Variants in ITPRID2 observed in about 807,000 individuals in gnomAD.
The protein encoded by ITPRID2 is ITPR interacting domain containing 2, also known as protein ITPRID2.
Under a neutral mutation model 124.3 loss-of-function variants are expected in ITPRID2, and 60 were observed. The observed-to-expected ratio is 0.48, with a 90% CI of 0.39 to 0.60. The LOEUF is 0.60. Ranked by LOEUF, ITPRID2 falls within the 20% of genes least tolerant of loss-of-function variation. The probability of loss-of-function intolerance (pLI) is 0.00; values close to 1 mark genes in which losing one functional copy is unlikely to be tolerated. For missense variants in ITPRID2, 1,553 were observed against 1,512.2 expected (o/e 1.03, Z -0.45); for synonymous variants, 521 against 542.9 (o/e 0.96, Z 0.56).
At chr2:181,922,921 CA>C (rs113631537) in intron 16 of ITPRID2, among the ~76,000 whole-genome samples, 6 of 141,948 alleles carry the variant, frequency 4.2e-5, no homozygotes, top group Admixed American at 1.4e-4. Flanking sequence ...GACTCCATCT[CA>C]AAAAAAAAAG....
rs1442738106 is a variant in ITPRID2, at chr2:181,896,238, G to A, written c.307+159G>A. Among the ~76,000 whole-genome samples, 1 of 151,946 alleles carries A rather than the reference G, an allele frequency of 6.6e-6. No individual in the cohort carries two copies. Among genetic ancestry groups the A allele is most frequent in the South Asian group, 2.1e-4 (1 of 4,830 alleles). ...AAATGGAGAAACTTTGTTATAAACCGTAAAACAGTAGGGAGTTTAAGCAAA... is the reference window on the plus strand; with the variant it reads ...AAATGGAGAAACTTTGTTATAAACCATAAAACAGTAGGGAGTTTAAGCAAA... On this transcript the variant is annotated intron_variant, in intron 3 of 17. Coordinates refer to ENST00000431877, the MANE Select transcript of ITPRID2 (RefSeq NM_001130445.3). The surrounding 1 kb of genome is among the most constrained non-coding windows in gnomAD (Gnocchi z 4.3).
chr2:181,913,455 C>A (rs1693783740), intron 9 of ITPRID2, among the ~76,000 whole-genome samples: 1 of 152,148 alleles, frequency 6.6e-6, no homozygotes, highest in Non-Finnish European at 1.5e-5. Flanking sequence ...TCCTAAATAT[C>A]TTTACATATT....
At position 181,926,213 on chromosome 2, in the gene ITPRID2, G is replaced by A. The variant is rs148952424; in HGVS notation, c.3676-1948G>A. ...TGGGAGGCAGAGGTTGCAGTGAGCC[G>A]AGATTGCGCCCCTACACTCCACTCT... is the stretch of plus-strand genomic sequence containing the variant. On this transcript the variant is annotated intron_variant, in intron 16 of 17. Coordinates refer to ENST00000431877, the MANE Select transcript of ITPRID2 (RefSeq NM_001130445.3). Among the ~76,000 whole-genome samples, 93 of 151,648 alleles carry A rather than the reference G, an allele frequency of 6.1e-4. 1 individual carries two copies. In the East Asian group the frequency reaches 0.015, roughly 24 times the overall value.
At chr2:181,894,974 A>G (rs1393753127) in intron 2 of ITPRID2, among the ~76,000 whole-genome samples, 1 of 152,106 alleles carries the variant, frequency 6.6e-6, no homozygotes, top group Non-Finnish European at 1.5e-5. Flanking sequence ...CATACATTAG[A>G]ATTTTATTAA....
In ITPRID2 at chr2:181,891,929, C is replaced by CCTCCTCCTT. The variant is rs1691724824; in HGVS notation, c.-130_-129insTCTCCTCCT. On this transcript the variant is annotated 5_prime_UTR_variant, in exon 1 of 18. Transcript: ENST00000431877. ...CCCTCCCTCCCTGTCCCCTCCTCCT[C>CCTCCTCCTT]CTCCTCCTCCTCCGGCGCCCGCTTC... 2.2e-6 allele frequency: 1 copy of CCTCCTCCTT among 451,236 alleles called. No homozygotes were observed. The highest frequency in any genetic ancestry group is 4.0e-6 in the Non-Finnish European group (1 of 252,178). The allele number at this position is 451,236 out of a possible 1,614,324, so 28.0% of individuals were successfully genotyped here.
Position 181,919,258 on chromosome 2 carries a change from G to T in ITPRID2, c.2994-38G>T, listed in dbSNP as rs1376413928. 6.2e-7 allele frequency: 1 copy of T among 1,609,634 alleles called. No homozygotes were observed. Among genetic ancestry groups the T allele is most frequent in the Admixed American group, 1.7e-5 (1 of 59,626 alleles). ...ATTTGTGATTAGGAATCTCCAAACT[G>T]CATTTTTCCAATTTTGTGCCCTTCA... On this transcript the variant is annotated intron_variant, in intron 13 of 17. Coordinates refer to ENST00000431877, the MANE Select transcript of ITPRID2 (RefSeq NM_001130445.3). This position sits in a 1 kb window ranked among gnomAD's most constrained non-coding sequence, Gnocchi z 4.2.
At chr2:181,927,216 A>G (rs1035067939) in intron 16 of ITPRID2, among the ~76,000 whole-genome samples, 2 of 152,254 alleles carry the variant, frequency 1.3e-5, no homozygotes, top group Non-Finnish European at 2.9e-5. Flanking sequence ...GGAACATTGT[A>G]GGAAATAAAT....
In ITPRID2 at chr2:181,915,732, G is replaced by A. The variant is rs1234547771; in HGVS notation, c.2092G>A (p.Ala698Thr). 1 of 1,614,072 alleles carries A rather than the reference G, an allele frequency of 6.2e-7. No individual in the cohort carries two copies. Among genetic ancestry groups the A allele is most frequent in the Non-Finnish European group, 8.5e-7 (1 of 1,180,036 alleles). The part of the protein sequence containing the change: ...MDRVNTALQR[A>T]QMKVCSLSNQ... ...CAGAGTTAATACAGCTTTGCAAAGA[G>A]CTCAAATGAAGGTTTGCAGTCTGTC... Residue 698 changes from alanine to threonine, a missense_variant, in exon 11 of 18, where the codon GCT becomes ACT. By Grantham distance (58) the Ala-to-Thr change is moderately conservative. Coordinates refer to ENST00000431877, the MANE Select transcript of ITPRID2 (RefSeq NM_001130445.3).
rs377612040 is a variant in ITPRID2 at position 181,913,831 on chromosome 2, T to A, written c.1487-14T>A. ...GATCATCTGTTTCTTATAGCCACAT[T>A]TTTTTATTCATAGATCATCTGTTAC... On this transcript the variant is annotated splice_polypyrimidine_tract_variant and intron_variant, in intron 9 of 17. Coordinates refer to ENST00000431877, the MANE Select transcript of ITPRID2 (RefSeq NM_001130445.3). The A allele has an allele frequency of 3.5e-5, 56 of 1,597,266 alleles. No individual in the cohort carries two copies. In the African/African-American group the frequency reaches 7.2e-4, roughly 20 times the overall value.
Position 181,920,670 on chromosome 2 carries a change from T to G in ITPRID2, c.3210+8T>G, listed in dbSNP as rs1307820845. 1 of 1,609,050 alleles carries G rather than the reference T, an allele frequency of 6.2e-7. No homozygotes were observed. The highest frequency in any genetic ancestry group is 8.5e-7 in the Non-Finnish European group (1 of 1,175,822). On this transcript the variant is annotated splice_region_variant and intron_variant, in intron 15 of 17. Transcript: ENST00000431877. ...TTGAATGTAATGGAACCAGTAAGCTTCTTTCCTCTTAAATCACTGGGGAAG... is the reference window on the plus strand; with the variant it reads ...TTGAATGTAATGGAACCAGTAAGCTGCTTTCCTCTTAAATCACTGGGGAAG...
At chr2:181,904,047 T>A (rs899837123) in intron 8 of ITPRID2, among the ~76,000 whole-genome samples, 4 of 152,210 alleles carry the variant, frequency 2.6e-5, no homozygotes, top group Non-Finnish European at 5.9e-5. Context: ...TTCAAGTAAG[T>A]CACTCTTCAA....
chr2:181,899,179 C>CA (rs1473581155), intron 6 of ITPRID2, 67 bp downstream of exon 6: 2 of 1,168,116 alleles, frequency 1.7e-6, no homozygotes, highest in Admixed American at 2.5e-5. Flanking sequence ...ATCATTTTTT[C>CA]AATCTTGGAT....
At chr2:181,895,858 G>C (rs1413631511) in intron 2 of ITPRID2, among the ~76,000 whole-genome samples, 172 bp from the exon 3 acceptor site, 1 of 152,020 alleles carries the variant, frequency 6.6e-6, no homozygotes, top group Non-Finnish European at 1.5e-5. Context: ...TATTTGCTTA[G>C]TTAGTGAATA....
chr2:181,892,828 T>C lies in ITPRID2; in HGVS notation c.257+168T>C. 1 of 705,338 alleles carries C rather than the reference T, an allele frequency of 1.4e-6. No individual in the cohort carries two copies. Among genetic ancestry groups the C allele is most frequent in the South Asian group, 1.7e-5 (1 of 57,836 alleles). The allele number at this position is 705,338 out of a possible 1,614,324, so 43.7% of individuals were successfully genotyped here. A position where few individuals can be genotyped will look rare whatever the true frequency, so the allele number is the denominator to read the frequency against. On this transcript the variant is annotated intron_variant, in intron 2 of 17. Transcript: ENST00000431877. This position sits in a 1 kb window ranked among gnomAD's most constrained non-coding sequence, Gnocchi z 5.2. ...TCCTCTAAGCGATTAGAAATGGAAG[T>C]GCTGTGACCGCTGATTATTTGGTGA...
At position 181,900,854 on chromosome 2, in the gene ITPRID2, G is replaced by A; in HGVS notation, c.662G>A (p.Ser221Asn). The A allele has an allele frequency of 6.2e-7, 1 of 1,612,644 alleles. No individual in the cohort carries two copies. The highest frequency in any genetic ancestry group is 1.7e-5 in the Admixed American group (1 of 59,862). ...AKGIDIKVFL[S>N]AQMQRMEVEN... ...GGGATAGATATTAAAGTATTTTTGA[G>A]TGCTCAGATGCAACGGATGGAAGTA... Residue 221 changes from serine (S) to asparagine (N), a missense_variant, in exon 7 of 18, where the codon AGT becomes AAT. By Grantham distance (46) the Ser-to-Asn change is conservative. Transcript: ENST00000431877.
rs1692786835 is a variant in ITPRID2, at chr2:181,902,851, T to G, written c.1413+385T>G. ...GCTTTGAGTTTTGTCTGCCACTGAATGACTGTATGCCTTTGGGCAAGCTTT... is the reference window on the plus strand; with the variant it reads ...GCTTTGAGTTTTGTCTGCCACTGAAGGACTGTATGCCTTTGGGCAAGCTTT... On this transcript the variant is annotated intron_variant, in intron 8 of 17. Coordinates refer to ENST00000431877, the MANE Select transcript of ITPRID2 (RefSeq NM_001130445.3). The surrounding 1 kb of genome is among the most constrained non-coding windows in gnomAD (Gnocchi z 4.4). Among the ~76,000 whole-genome samples, 2 of 152,204 alleles carry G rather than the reference T, an allele frequency of 1.3e-5. 1 individual carries two copies. The highest frequency in any genetic ancestry group is 4.1e-4 in the South Asian group (2 of 4,830).
chr2:181,892,390 G>A lies in ITPRID2; in HGVS notation c.211+113G>A. The stretch of plus-strand genomic sequence containing the variant: ...GAGCCTCGGGCACGGTAGGCCGAGG[G>A]GAGAGGGGACACTTCCGACCTTCAA... On this transcript the variant is annotated intron_variant, in intron 1 of 17. Transcript: ENST00000431877. This position sits in a 1 kb window ranked among gnomAD's most constrained non-coding sequence, Gnocchi z 5.2. 7.7e-7 allele frequency: 1 copy of A among 1,290,800 alleles called. No individual in the cohort carries two copies. The highest frequency in any genetic ancestry group is 1.1e-6 in the Non-Finnish European group (1 of 950,278). The allele number at this position is 1,290,800 out of a possible 1,614,324, so 80.0% of individuals were successfully genotyped here.
chr2:181,903,738 G>A (rs74871920), intron 8 of ITPRID2, among the ~76,000 whole-genome samples: 1 of 151,740 alleles, frequency 6.6e-6, no homozygotes, highest in East Asian at 1.9e-4. Context: ...TTTACCTCCT[G>A]GTATAATTTA....
At chr2:181,899,262 TTTTTGTTTTG>T (rs59537384) in intron 6 of ITPRID2, 150 bp downstream of exon 6, 50 of 609,102 alleles carry the variant, frequency 8.2e-5, no homozygotes, top group Middle Eastern at 4.1e-4. Flanking sequence ...TGATAGGAGC[TTTTTGTTTTG>T]TTTTGTTTTG....
Sources: allele counts gnomAD v4.1 joint callset (sites outside exome capture counted in the v4.1 genomes callset), GRCh38; gene constraint gnomAD v4.1.1; non-coding constraint Gnocchi (gnomAD v3.1); transcripts MANE v1.5; gene names NCBI Gene and HGNC (gene_info 2026-07-23, HGNC 2026-07-21).